The following LRRC7 variants were observed in gnomAD, a reference collection of about 807,000 sequenced individuals.
LRRC7 encodes the protein leucine rich repeat containing 7, also known as leucine-rich repeat-containing protein 7.
LRRC7 carries 23 observed loss-of-function variants against 175.7 expected under a neutral mutation model. That is an observed-to-expected ratio of 0.13 (90% CI 0.09 to 0.19). LRRC7 has a LOEUF of 0.19. Ranked by LOEUF, LRRC7 falls within the 10% of genes least tolerant of loss-of-function variation. The pLI is 1.00. For synonymous variants in LRRC7, 685 were observed against 680.9 expected, an observed-to-expected ratio of 1.01 and a Z score of -0.09; for missense variants, 1,354 against 1,904.7, an observed-to-expected ratio of 0.71 and a Z score of 5.38.
chr1:69,919,109 A>T (rs79659799), intron 7 of LRRC7, among the ~76,000 whole-genome samples: 3,106 of 152,108 alleles, frequency 0.02, 44 homozygotes, highest in Non-Finnish European at 0.032. Context: ...GTAAGAAATA[A>T]TTTTTTTTAA....
At chr1:69,979,281 G>C (rs1276984280) in intron 8 of LRRC7, among the ~76,000 whole-genome samples, 1 of 152,184 alleles carries the variant, frequency 6.6e-6, no homozygotes, top group Non-Finnish European at 1.5e-5. Flanking sequence ...TTCAAAGGAA[G>C]CACAAGGCCT....
At chr1:69,761,934 C>T (rs1394727437) in intron 3 of LRRC7, among the ~76,000 whole-genome samples, 1 of 151,776 alleles carries the variant, frequency 6.6e-6, no homozygotes, top group Non-Finnish European at 1.5e-5. Context: ...GGAAAATAGG[C>T]ATGGGGGGTG....
chr1:69,993,642 T>C, intron 10 of LRRC7, among the ~76,000 whole-genome samples: 1 of 152,194 alleles, frequency 6.6e-6, no homozygotes, highest in African/African-American at 2.4e-5. Flanking sequence ...TTAATTTTGT[T>C]TAATTTGGCG....
chr1:69,626,540 A>T (rs909757804), intron 1 of LRRC7, among the ~76,000 whole-genome samples: 1 of 151,884 alleles, frequency 6.6e-6, no homozygotes, highest in Non-Finnish European at 1.5e-5. Flanking sequence ...GACATTTCTT[A>T]TAATACTTTA....
rs764516470 is a variant in LRRC7, at chr1:70,038,500, C to T, written c.2676C>T (p.Asp892=). The change falls in exon 21 of 27, where the codon GAC becomes GAT. Residue 892 remains aspartate (D), a synonymous_variant. Transcript: ENST00000651989. ...CCAGAACCCCTAGTCCGTTTGAAGA[C>T]AGGACCGCTTTTCCTTCCAAATTAG... ...NWTRTPSPFE[D]RTAFPSKLET... 4.7e-5 allele frequency: 76 copies of T among 1,614,004 alleles called. No homozygotes were observed. The highest frequency in any genetic ancestry group is 1.1e-5 in the Non-Finnish European group (13 of 1,180,012).
At chr1:69,887,524 T>A (rs1424767537) in intron 7 of LRRC7, among the ~76,000 whole-genome samples, 8 of 150,636 alleles carry the variant, frequency 5.3e-5, no homozygotes, top group African/African-American at 2.0e-4. Context: ...TTCGTCTAAA[T>A]TTTTTTCAAA....
intron 7 of LRRC7, among the ~76,000 whole-genome samples, chr1:69,839,326 A>G (rs1681470002): frequency 6.6e-6 from 1 of 152,110 alleles, no homozygotes; most frequent in African/African-American, 2.4e-5. Flanking sequence ...TAAAGATAAA[A>G]CACCTCCTTA....
At chr1:69,652,188 C>T (rs917215470) in intron 1 of LRRC7, among the ~76,000 whole-genome samples, 1 of 152,012 alleles carries the variant, frequency 6.6e-6, no homozygotes, top group African/African-American at 2.4e-5. Flanking sequence ...AAAGGGCATA[C>T]AAATAAGAAA....
At chr1:69,987,241 T>C (rs1441945684) in intron 10 of LRRC7, among the ~76,000 whole-genome samples, 1 of 151,740 alleles carries the variant, frequency 6.6e-6, no homozygotes, top group Non-Finnish European at 1.5e-5. Flanking sequence ...GGAGACTCCG[T>C]CTCAAAAACA....
intron 1 of LRRC7, among the ~76,000 whole-genome samples, chr1:69,659,499 C>T (rs1047620849): frequency 2.0e-5 from 3 of 149,418 alleles, no homozygotes; most frequent in Admixed American, 6.7e-5. Flanking sequence ...ACAAACAAGA[C>T]CTTAAACAAT....
chr1:69,645,903 G>T (rs1654939230), intron 1 of LRRC7, among the ~76,000 whole-genome samples: 1 of 152,008 alleles, frequency 6.6e-6, no homozygotes, highest in South Asian at 2.1e-4. Flanking sequence ...CAATAAAATA[G>T]AACTGGAATT....
At chr1:69,949,915 G>A (rs1649741340) in intron 8 of LRRC7, among the ~76,000 whole-genome samples, 1 of 152,076 alleles carries the variant, frequency 6.6e-6, no homozygotes, top group South Asian at 2.1e-4. Context: ...GATTGACACT[G>A]ATTTTTTTAA....
chr1:70,023,311 C>A lies in LRRC7; in HGVS notation c.1731C>A (p.Ser577Arg). 2.5e-6 allele frequency: 4 copies of A among 1,613,464 alleles called. No homozygotes were observed. The highest frequency in any genetic ancestry group is 3.4e-6 in the Non-Finnish European group (4 of 1,179,590). Residue 577 changes from serine to arginine, a missense_variant, in exon 17 of 27, where the codon AGC becomes AGA. Physicochemically the swap from Ser to Arg is moderately radical, Grantham distance 110. This residue lies in a region of LRRC7 where 1,032 missense variants were observed against 1,227.2 expected (regional missense o/e 0.84). Coordinates refer to ENST00000651989, the MANE Select transcript of LRRC7 (RefSeq NM_001370785.2). ...GCISGLQQER[S>R]MCTPLPVAAQ... ...TAAGTGGCCTCCAGCAGGAAAGGAG[C>A]ATGTGTACTCCATTGCCAGTTGCAG... is the stretch of plus-strand genomic sequence containing the variant.
chr1:69,859,962 A>G (rs1387951212), intron 7 of LRRC7, among the ~76,000 whole-genome samples: 1 of 152,028 alleles, frequency 6.6e-6, no homozygotes, highest in African/African-American at 2.4e-5. Flanking sequence ...TACACTGAAT[A>G]TCTCTATTTC....
chr1:69,783,753 C>CAAAAAAAA (rs10712087), intron 3 of LRRC7, among the ~76,000 whole-genome samples: 1 of 84,712 alleles, frequency 1.2e-5, no homozygotes, highest in Admixed American at 1.4e-4. Flanking sequence ...CTCCCCATCT[C>CAAAAAAAA]AAAAAAAAAA....
chr1:69,766,055 T>G (rs966631061), intron 3 of LRRC7, among the ~76,000 whole-genome samples: 1 of 151,822 alleles, frequency 6.6e-6, no homozygotes, highest in Admixed American at 6.6e-5. Context: ...AAAATGTCCT[T>G]AGAAAGGAAA....
At chr1:69,827,798 C>T (rs1488963978) in intron 5 of LRRC7, among the ~76,000 whole-genome samples, 2 of 151,850 alleles carry the variant, frequency 1.3e-5, no homozygotes, top group Non-Finnish European at 2.9e-5. Flanking sequence ...ATGATCATGC[C>T]CCTGCACTCC....
chr1:69,919,466 C>A, intron 7 of LRRC7: 1 of 994,426 alleles, frequency 1.0e-6, no homozygotes, highest in Non-Finnish European at 1.5e-6. Context: ...TGGGAGCGGC[C>A]CAGCGGGAAC....
intron 2 of LRRC7, among the ~76,000 whole-genome samples, chr1:69,742,542 T>C (rs1015182138): frequency 6.6e-6 from 1 of 151,958 alleles, no homozygotes; most frequent in African/African-American, 2.4e-5. Flanking sequence ...TTTTTGTGTG[T>C]GCGTGCACAC....
Sources: gnomAD v4.1 joint callset for allele counts (sites outside exome capture counted in the v4.1 genomes callset) on GRCh38, gnomAD v4.1.1 for gene constraint, gnomAD v4.1.1 regional missense constraint, MANE v1.5 for transcripts, NCBI Gene and HGNC (gene_info 2026-07-23, HGNC 2026-07-21) for gene names.